Variants in YES1 observed in about 807,000 individuals in gnomAD.
YES1 encodes the protein tyrosine-protein kinase Yes.
In YES1, 39 loss-of-function variants were observed where a neutral mutation model predicts 70.4. The ratio of observed to expected loss-of-function variants is 0.55; its 90% CI spans 0.43 to 0.72. The LOEUF is 0.72. YES1 is among the 30% of genes least tolerant of loss of function. The pLI is 0.00. For synonymous variants in YES1, 198 were observed against 218.6 expected, an observed-to-expected ratio of 0.91 and a Z score of 0.83; for missense variants, 495 against 644.8, an observed-to-expected ratio of 0.77 and a Z score of 2.52.
At chr18:763,926 C>A (rs1267016613) in intron 1 of YES1, among the ~76,000 whole-genome samples, 1 of 151,762 alleles carries the variant, frequency 6.6e-6, no homozygotes, top group Non-Finnish European at 1.5e-5. Flanking sequence ...TCGAGACCAT[C>A]CTGGCTAACA....
intron 3 of YES1, among the ~76,000 whole-genome samples, chr18:750,295 T>C (rs1167160220): frequency 6.6e-6 from 1 of 152,240 alleles, no homozygotes; most frequent in Non-Finnish European, 1.5e-5. Context: ...ATTTACTGAA[T>C]ACCTATTAAG....
intron 1 of YES1, among the ~76,000 whole-genome samples, chr18:785,721 TA>T (rs1160876603): frequency 6.7e-6 from 1 of 150,366 alleles, no homozygotes; most frequent in East Asian, 2.0e-4. Context: ...GGGTTTGTTA[TA>T]AAAGCCAGTC....
At chr18:734,907 C>G in intron 10 of YES1, among the ~76,000 whole-genome samples, 1 of 152,176 alleles carries the variant, frequency 6.6e-6, no homozygotes, top group East Asian at 1.9e-4. Context: ...CCTGTAATCC[C>G]AGCGCTTTGG....
At position 786,197 on chromosome 18, in the gene YES1, C is replaced by A. The variant is rs541680124; in HGVS notation, c.-9+25917G>T. ...AAATAACCTCTAAATGAGAATTTGG[C>A]AGGAAGCTGGTCTCCACACAGGAAT... On this transcript the variant is annotated intron_variant, in intron 1 of 11. Transcript: ENST00000314574. Among the ~76,000 whole-genome samples, 7 of 134,214 alleles carry A rather than the reference C, an allele frequency of 5.2e-5. No individual in the cohort carries two copies. The South Asian group carries it at 1.6e-3, about 30-fold the overall frequency. 88.0% of individuals were successfully genotyped at this position (134,214 alleles called of 152,430 possible). A position where few individuals can be genotyped will look rare whatever the true frequency, so the allele number is the denominator to read the frequency against.
chr18:773,204 C>A (rs1311952109), intron 1 of YES1, among the ~76,000 whole-genome samples: 1 of 152,178 alleles, frequency 6.6e-6, no homozygotes, highest in Non-Finnish European at 1.5e-5. Flanking sequence ...GAGATGAAGT[C>A]AAAAATCTGG....
intron 1 of YES1, among the ~76,000 whole-genome samples, chr18:790,101 T>C (rs1906167179): frequency 6.6e-6 from 1 of 151,462 alleles, no homozygotes. Flanking sequence ...CCCGGCTGAG[T>C]GCAGTGGCTC....
At chr18:741,528 G>T (rs572174563) in intron 8 of YES1, among the ~76,000 whole-genome samples, 1 of 152,276 alleles carries the variant, frequency 6.6e-6, no homozygotes, top group South Asian at 2.1e-4. Context: ...TTTGGGCTGG[G>T]TGTGGTGGCT....
rs1027839627 is a variant in YES1, at chr18:745,731, T to C, written c.701A>G (p.Gln234Arg). The C allele has an allele frequency of 1.9e-6, 3 of 1,610,176 alleles. No individual in the cohort carries two copies. Among genetic ancestry groups the C allele is most frequent in the East Asian group, 4.5e-5 (2 of 44,798 alleles). ...ACCTGTGTAGTGTTTCACCAATTTCTGCAGAGTATCAAATTGTGCTCTGGT... is the reference window on the plus strand; with the variant it reads ...ACCTGTGTAGTGTTTCACCAATTTCCGCAGAGTATCAAATTGTGCTCTGGT... ...ITTRAQFDTL[Q>R]KLVKHYTEHA... The change falls in exon 6 of 12, where the codon CAG (glutamine) becomes CGG (arginine). Residue 234 changes from glutamine to arginine, a missense_variant. Gln to Arg is a conservative substitution (Grantham distance 43). Around this residue, in one of 2 missense-constraint regions of YES1, gnomAD observed 385 missense variants for 540.9 expected, o/e 0.71. Coordinates refer to ENST00000314574, the MANE Select transcript of YES1 (RefSeq NM_005433.4).
At chr18:810,569 G>A (rs1022314192) in intron 1 of YES1, among the ~76,000 whole-genome samples, 1 of 152,120 alleles carries the variant, frequency 6.6e-6, no homozygotes, top group Non-Finnish European at 1.5e-5. Flanking sequence ...TATATTTTAA[G>A]AGCCCTTTTA....
intron 1 of YES1, among the ~76,000 whole-genome samples, chr18:782,959 G>A (rs888921604): frequency 6.6e-6 from 1 of 152,204 alleles, no homozygotes; most frequent in Non-Finnish European, 1.5e-5. Flanking sequence ...TGCGATTACA[G>A]GCGTGAGCCA....
chr18:735,446 A>G (rs1249732354), intron 10 of YES1, among the ~76,000 whole-genome samples: 1 of 151,888 alleles, frequency 6.6e-6, no homozygotes, highest in Non-Finnish European at 1.5e-5. Context: ...CTAAGCTATG[A>G]GGACACAAAG....
At chr18:802,973 T>A (rs7228839) in intron 1 of YES1, among the ~76,000 whole-genome samples, 8,744 of 151,526 alleles carry the variant, frequency 0.058, 352 homozygotes, top group East Asian at 0.13. Flanking sequence ...CACACCTGTT[T>A]TCCCAGCACT....
At position 736,908 on chromosome 18, in the gene YES1, A is replaced by G. The variant is rs2080159796; in HGVS notation, c.1191T>C (p.Leu397=). The change falls in exon 10 of 12, where the codon CTT becomes CTC. Residue 397 remains leucine (L), a synonymous_variant. Coordinates refer to ENST00000314574, the MANE Select transcript of YES1 (RefSeq NM_005433.4). The part of the protein sequence containing the change: ...IERMNYIHRD[L]RAANILVGEN... Reference sequence around the variant, plus strand: ...CTCCTACAAGAATATTAGCAGCCCGAAGATCTCGGTGAATATAGTTCATTC... The same window carrying G: ...CTCCTACAAGAATATTAGCAGCCCGGAGATCTCGGTGAATATAGTTCATTC... 3.1e-6 allele frequency: 5 copies of G among 1,612,554 alleles called. No individual in the cohort carries two copies. Among genetic ancestry groups the G allele is most frequent in the Non-Finnish European group, 4.2e-6 (5 of 1,180,002 alleles).
rs1181207049 is a variant in YES1 at position 805,108 on chromosome 18, T to C, written c.-9+7006A>G. Among the ~76,000 whole-genome samples the C allele has an allele frequency of 6.6e-5, 10 of 152,276 alleles. No homozygotes were observed. In the East Asian group the frequency reaches 1.9e-3, roughly 29 times the overall value. ...AAAATTTTATCAATACGGTCATGCATCACTTAACATATATTCTGAGAAATG... is the reference window on the plus strand; with the variant it reads ...AAAATTTTATCAATACGGTCATGCACCACTTAACATATATTCTGAGAAATG... On this transcript the variant is annotated intron_variant, in intron 1 of 11. Coordinates refer to ENST00000314574, the MANE Select transcript of YES1 (RefSeq NM_005433.4).
At chr18:782,938 T>A (rs1289752083) in intron 1 of YES1, among the ~76,000 whole-genome samples, 1 of 152,214 alleles carries the variant, frequency 6.6e-6, no homozygotes, top group Non-Finnish European at 1.5e-5. Flanking sequence ...TGTCTTGGCC[T>A]CCCGAAGTGC....
chr18:783,039 C>CTT (rs34760851), intron 1 of YES1, among the ~76,000 whole-genome samples: 1 of 148,002 alleles, frequency 6.8e-6, no homozygotes, highest in Admixed American at 6.8e-5. Flanking sequence ...CAAAGGTTAA[C>CTT]TTTTTTTTTT....
intron 1 of YES1, among the ~76,000 whole-genome samples, chr18:762,925 A>G (rs1568203221): frequency 6.6e-6 from 1 of 152,240 alleles, no homozygotes; most frequent in Non-Finnish European, 1.5e-5. Context: ...GGAGGTATGT[A>G]CAAAATACCA....
At chr18:750,752 G>A (rs1025843463) in intron 3 of YES1, among the ~76,000 whole-genome samples, 2 of 152,130 alleles carry the variant, frequency 1.3e-5, no homozygotes, top group Non-Finnish European at 2.9e-5. Flanking sequence ...TTAAGGAAAG[G>A]CATCTTGAGA....
chr18:765,688 G>A (rs4474771), intron 1 of YES1, among the ~76,000 whole-genome samples: 22,891 of 152,144 alleles, frequency 0.15, 2,140 homozygotes, highest in Admixed American at 0.25. Flanking sequence ...GTGAGCCACC[G>A]CACCCGGCCA....
Sources: allele counts gnomAD v4.1 joint callset (sites outside exome capture counted in the v4.1 genomes callset), GRCh38; gene constraint gnomAD v4.1.1; regional missense constraint gnomAD v4.1.1; transcripts MANE v1.5; gene names NCBI Gene and HGNC (gene_info 2026-07-23, HGNC 2026-07-21).